MYT1L: variants seen among roughly 807,000 people sequenced by gnomAD.
MYT1L encodes myelin transcription factor 1-like protein.
In MYT1L, 12 loss-of-function variants were observed where a neutral mutation model predicts 126.7. That is an observed-to-expected ratio of 0.09 (90% CI 0.06 to 0.15). The LOEUF (loss-of-function observed/expected upper bound fraction) is 0.15. Ranked by LOEUF, MYT1L falls within the 10% of genes least tolerant of loss-of-function variation. MYT1L has a pLI of 1.00. For missense variants in MYT1L, 979 were observed against 1,585.2 expected (o/e 0.62, Z 6.49); for synonymous variants, 541 against 604.2 (o/e 0.90, Z 1.53).
chr2:2,320,630 C>T (rs1424196681), intron 1 of MYT1L, among the ~76,000 whole-genome samples: 1 of 152,076 alleles, frequency 6.6e-6, no homozygotes, highest in African/African-American at 2.4e-5. Flanking sequence ...GATATGAGGC[C>T]AAAAACAGGT....
chr2:1,944,756 A>G (rs2057039010), intron 8 of MYT1L, among the ~76,000 whole-genome samples: 1 of 152,206 alleles, frequency 6.6e-6, no homozygotes, highest in South Asian at 2.1e-4. Context: ...ACAAGTCACA[A>G]ATACCATTTT....
At chr2:1,845,582 T>C (rs1284010096) in intron 19 of MYT1L, among the ~76,000 whole-genome samples, 2 of 152,024 alleles carry the variant, frequency 1.3e-5, no homozygotes, top group African/African-American at 4.8e-5. Context: ...CACGGCCCCA[T>C]TGCTGCTCTC....
At chr2:2,185,667 C>T (rs1457278203) in intron 2 of MYT1L, among the ~76,000 whole-genome samples, 1 of 138,302 alleles carries the variant, frequency 7.2e-6, no homozygotes, top group Non-Finnish European at 1.5e-5. Flanking sequence ...CGCCCGCGTT[C>T]CTTACGTGAG....
At chr2:2,082,118 G>C (rs949869152) in intron 3 of MYT1L, among the ~76,000 whole-genome samples, 2 of 150,688 alleles carry the variant, frequency 1.3e-5, no homozygotes, top group Admixed American at 6.6e-5. Flanking sequence ...CAGTAGGGCT[G>C]TTGAAAGGAT....
chr2:1,952,916 T>TG lies in MYT1L; in HGVS notation c.153-9583_153-9582insC, dbSNP rs1176978304. Among the ~76,000 whole-genome samples the TG allele has an allele frequency of 8.4e-3, 793 of 93,936 alleles. 10 individuals carry two copies. The highest frequency in any genetic ancestry group is 0.026 in the African/African-American group (455 of 17,722). 61.6% of individuals were successfully genotyped at this position (93,936 alleles called of 152,430 possible). ...CCTCCTTCTTTCCCTTCCTCTCCCTTCCTTCCCTTCCCTCCTTCCTTCCCT... is the reference window on the plus strand; with the variant it reads ...CCTCCTTCTTTCCCTTCCTCTCCCTTGCCTTCCCTTCCCTCCTTCCTTCCCT... On this transcript the variant is annotated intron_variant, in intron 8 of 24. Transcript: ENST00000647738.
chr2:1,867,345 A>G (rs2045708728), intron 18 of MYT1L, among the ~76,000 whole-genome samples: 1 of 152,114 alleles, frequency 6.6e-6, no homozygotes. Flanking sequence ...CATCTTTCAG[A>G]GGCCCCATTG....
chr2:1,998,553 G>A (rs574088139), intron 4 of MYT1L, among the ~76,000 whole-genome samples: 8 of 152,142 alleles, frequency 5.3e-5, no homozygotes, highest in East Asian at 1.9e-4. Context: ...GAACAATTTC[G>A]TCCATACACA....
intron 11 of MYT1L, among the ~76,000 whole-genome samples, chr2:1,916,624 G>T (rs1027255244): frequency 2.0e-5 from 3 of 152,108 alleles, no homozygotes; most frequent in African/African-American, 7.2e-5. Context: ...TAATTAAAAA[G>T]AATGCTTAAG....
intron 1 of MYT1L, among the ~76,000 whole-genome samples, chr2:2,318,057 C>T (rs1304106429): frequency 6.6e-6 from 1 of 152,182 alleles, no homozygotes; most frequent in Non-Finnish European, 1.5e-5. Context: ...TTTTGCAATG[C>T]TGACTGCCCA....
intron 1 of MYT1L, among the ~76,000 whole-genome samples, chr2:2,316,416 C>T (rs145223581): frequency 2.5e-4 from 38 of 152,296 alleles, no homozygotes; most frequent in African/African-American, 8.7e-4. Flanking sequence ...AAAATGCATT[C>T]CTGCTTAACC....
At chr2:2,299,942 A>G (rs1040008691) in intron 1 of MYT1L, among the ~76,000 whole-genome samples, 11 of 152,142 alleles carry the variant, frequency 7.2e-5, no homozygotes, top group African/African-American at 1.4e-4. Flanking sequence ...AAGCAAAGGG[A>G]AAAAAAATCA....
At chr2:2,217,137 G>T (rs2093698917) in intron 2 of MYT1L, among the ~76,000 whole-genome samples, 1 of 152,064 alleles carries the variant, frequency 6.6e-6, no homozygotes, top group Admixed American at 6.5e-5. Context: ...AAATTTAAAA[G>T]AAAGAAATAC....
At chr2:1,911,666 C>G (rs754625485) in intron 12 of MYT1L, among the ~76,000 whole-genome samples, 1 of 152,206 alleles carries the variant, frequency 6.6e-6, no homozygotes, top group Non-Finnish European at 1.5e-5. Context: ...ACACACTGTA[C>G]AGGCGTGCTG....
chr2:2,227,376 C>A (rs1272653889), intron 2 of MYT1L, among the ~76,000 whole-genome samples: 1 of 152,206 alleles, frequency 6.6e-6, no homozygotes, highest in Non-Finnish European at 1.5e-5. Context: ...GCATCTCAAG[C>A]TTCCCCGTCC....
At chr2:1,825,666 T>G (rs1238968369) in intron 21 of MYT1L, 1 of 152,244 alleles carries the variant, frequency 6.6e-6, no homozygotes, top group African/African-American at 2.4e-5. Context: ...TGATCCTATT[T>G]GTTTGTACTG....
intron 4 of MYT1L, among the ~76,000 whole-genome samples, chr2:2,037,819 C>T (rs933596655): frequency 2.0e-5 from 3 of 151,814 alleles, no homozygotes; most frequent in Non-Finnish European, 4.4e-5. Context: ...AAAAAACCCC[C>T]TACACACTTC....
At chr2:2,304,496 C>T (rs2095832439) in intron 1 of MYT1L, among the ~76,000 whole-genome samples, 1 of 152,220 alleles carries the variant, frequency 6.6e-6, no homozygotes, top group Non-Finnish European at 1.5e-5. Context: ...TGATCCTCAT[C>T]ATCCTCTTCA....
intron 3 of MYT1L, among the ~76,000 whole-genome samples, chr2:2,161,455 G>A (rs1271827653): frequency 3.9e-5 from 6 of 152,324 alleles, no homozygotes; most frequent in South Asian, 2.1e-4. Flanking sequence ...AAGAATGGTC[G>A]GGTATCAATG....
intron 21 of MYT1L, among the ~76,000 whole-genome samples, chr2:1,822,464 T>G (rs891977613): frequency 6.6e-6 from 1 of 152,198 alleles, no homozygotes; most frequent in Non-Finnish European, 1.5e-5. Flanking sequence ...GCGCAGGGTG[T>G]GTCCACTGTC....
Sources: gnomAD v4.1 joint callset for allele counts (sites outside exome capture counted in the v4.1 genomes callset) on GRCh38, gnomAD v4.1.1 for gene constraint, MANE v1.5 for transcripts, NCBI Gene and HGNC (gene_info 2026-07-23, HGNC 2026-07-21) for gene names.